The following PTPRS variants were observed in gnomAD, a reference collection of about 807,000 sequenced individuals.
The protein encoded by PTPRS is protein tyrosine phosphatase receptor type S.
A neutral mutation model predicts 215.3 loss-of-function variants in PTPRS; 63 were observed. The ratio of observed to expected loss-of-function variants is 0.29; its 90% confidence interval spans 0.24 to 0.36. The LOEUF (loss-of-function observed/expected upper bound fraction) is 0.36, where lower values mean the gene tolerates loss of function less well. PTPRS is among the 10% of genes least tolerant of loss of function. The pLI is 1.00. For missense variants in PTPRS, 2,258 were observed against 2,825.8 expected (o/e 0.80, Z 4.56); for synonymous variants, 1,404 against 1,191.4 (o/e 1.18, Z -3.68).
chr19:5,243,950 G>A lies in PTPRS; in HGVS notation c.1521C>T (p.Val507=), dbSNP rs568263495. 6.9e-6 allele frequency: 11 copies of A among 1,587,810 alleles called. 1 individual carries two copies. The East Asian group carries it at 9.0e-5, about 13-fold the overall frequency. The change falls in exon 11 of 38, where the codon GTC becomes GTT. Residue 507 remains valine (V), a synonymous_variant. Coordinates refer to ENST00000262963, the MANE Select transcript of PTPRS (RefSeq NM_002850.4). ...TGGGGTCCGAGAGGGGCCCGTCGCC[G>A]ACGGAGGTGAAGGCGAGCACCCGCA... ...YTVRVLAFTS[V]GDGPLSDPIQ...
chr19:5,240,231 G>T lies in PTPRS; in HGVS notation c.1672C>A (p.Leu558Ile), dbSNP rs764486191. Residue 558 changes from leucine (L) to isoleucine (I), a missense_variant, in exon 12 of 38, where the codon CTC becomes ATC. This residue lies in a region of PTPRS where 508 missense variants were observed against 799.4 expected (regional missense o/e 0.64). Transcript: ENST00000262963. ...PRQESIIKYE[L>I]LFREGDHGRE... is the part of the protein sequence containing the mutation. ...CCATGGTCGCCTTCCCGGAAGAGGA[G>T]CTCGTACTTGATGATACTCTCCTGC... 2 of 1,561,732 alleles carry T rather than the reference G, an allele frequency of 1.3e-6. No homozygotes were observed. The highest frequency in any genetic ancestry group is 1.7e-6 in the Non-Finnish European group (2 of 1,153,658).
intron 6 of PTPRS, among the ~76,000 whole-genome samples, chr19:5,262,269 T>C (rs1036430343): frequency 6.6e-6 from 1 of 151,746 alleles, no homozygotes; most frequent in Non-Finnish European, 1.5e-5. Context: ...ATTAAGACTG[T>C]CTCAAAAAAA....
Position 5,237,421 on chromosome 19 carries a change from T to C in PTPRS, c.1849+1498A>G, listed in dbSNP as rs540260869. The stretch of plus-strand genomic sequence containing the variant: ...TCCTGGGCCGCCCCGGAGGTTCGCG[T>C]GGCTGGGCCGAAGCCGCTTTCTAGG... On this transcript the variant is annotated intron_variant, in intron 13 of 37. Transcript: ENST00000262963. This position sits in a 1 kb window ranked among gnomAD's most constrained non-coding sequence, Gnocchi z 4.2. Among the ~76,000 whole-genome samples the C allele has an allele frequency of 1.5e-4, 23 of 152,334 alleles. No homozygotes were observed. The highest frequency in any genetic ancestry group is 5.5e-4 in the African/African-American group (23 of 41,584).
chr19:5,324,573 A>AT (rs1008721637), intron 1 of PTPRS, among the ~76,000 whole-genome samples: 22 of 152,308 alleles, frequency 1.4e-4, no homozygotes, highest in Middle Eastern at 3.4e-3. Context: ...GTAGTGACCC[A>AT]TGGGTTAAAG....
chr19:5,220,087 C>G lies in PTPRS; in HGVS notation c.3617G>C (p.Arg1206Pro), dbSNP rs142918634. The G allele has an allele frequency of 1.9e-6, 3 of 1,613,866 alleles. No individual in the cohort carries two copies. The highest frequency in any genetic ancestry group is 2.5e-6 in the Non-Finnish European group (3 of 1,180,008). ...LRHSRQLEVP[R>P]PYIAARFSVL... ...AGAGAAGCGAGCTGCAATATAGGGC[C>G]GGGGCACCTCCAGCTGACGCGAGTG... is the stretch of plus-strand genomic sequence containing the variant. Residue 1206 changes from arginine (R) to proline (P), a missense_variant, in exon 22 of 38, where the codon CGG becomes CCG. Around this residue, in one of 6 missense-constraint regions of PTPRS, gnomAD observed 927 missense variants for 1,125.9 expected, o/e 0.82. Transcript: ENST00000262963.
intron 16 of PTPRS, among the ~76,000 whole-genome samples, chr19:5,227,977 G>A (rs763821852): frequency 1.3e-5 from 2 of 152,038 alleles, no homozygotes; most frequent in Non-Finnish European, 2.9e-5. Flanking sequence ...GGAACTGTGG[G>A]GTAGACCCAG....
At chr19:5,250,539 C>A (rs2044910642) in intron 9 of PTPRS, among the ~76,000 whole-genome samples, 1 of 151,974 alleles carries the variant, frequency 6.6e-6, no homozygotes, top group South Asian at 2.1e-4. Context: ...GGGGACCACA[C>A]CAGCCTTGGT....
chr19:5,260,932 C>G, intron 6 of PTPRS, 110 bp from the exon 7 acceptor site: 2 of 1,307,482 alleles, frequency 1.5e-6, no homozygotes, highest in South Asian at 1.2e-5. Context: ...AGCACTCTGC[C>G]CCAGGGAGGG....
intron 1 of PTPRS, among the ~76,000 whole-genome samples, chr19:5,290,655 C>T (rs1314283701): frequency 1.3e-5 from 2 of 152,060 alleles, no homozygotes; most frequent in African/African-American, 4.8e-5. Flanking sequence ...GTCCATGCTG[C>T]CCTGTCCTGG....
rs1214909304 is a variant in PTPRS, at chr19:5,295,164, C to T, written c.-94-8930G>A. ...CCGTGTGTCAAGAAAGCACCCGTACCTCTCGGGCCGACAGTTTCCCCATCT... is the reference window on the plus strand; with the variant it reads ...CCGTGTGTCAAGAAAGCACCCGTACTTCTCGGGCCGACAGTTTCCCCATCT... On this transcript the variant is annotated intron_variant, in intron 1 of 37. Coordinates refer to ENST00000262963, the MANE Select transcript of PTPRS (RefSeq NM_002850.4). This position sits in a 1 kb window ranked among gnomAD's most constrained non-coding sequence, Gnocchi z 4.6. 2.6e-5 allele frequency among the ~76,000 whole-genome samples: 4 copies of T among 152,206 alleles called. No homozygotes were observed. The highest frequency in any genetic ancestry group is 6.5e-5 in the Admixed American group (1 of 15,284).
chr19:5,303,990 G>C (rs116269715), intron 1 of PTPRS, among the ~76,000 whole-genome samples: 2,254 of 122,268 alleles, frequency 0.018, 72 homozygotes, highest in African/African-American at 0.072. Context: ...GAAGCGCGGA[G>C]GGCTATGGCC....
At chr19:5,323,831 A>C (rs902180196) in intron 1 of PTPRS, among the ~76,000 whole-genome samples, 1 of 152,228 alleles carries the variant, frequency 6.6e-6, no homozygotes, top group African/African-American at 2.4e-5. Flanking sequence ...GTGGGAAGAC[A>C]GACTGTGGGA....
chr19:5,300,332 A>C (rs552360774), intron 1 of PTPRS, among the ~76,000 whole-genome samples: 43 of 90,062 alleles, frequency 4.8e-4, no homozygotes, highest in Admixed American at 8.0e-4. Flanking sequence ...AGTGTGGCTC[A>C]TGGTCAGAGT....
At chr19:5,329,407 C>T (rs1258005495) in intron 1 of PTPRS, among the ~76,000 whole-genome samples, 3 of 152,186 alleles carry the variant, frequency 2.0e-5, no homozygotes. Flanking sequence ...TACATCGTAG[C>T]TAACAATCCA....
intron 28 of PTPRS, 95 bp downstream of exon 28, chr19:5,215,194 A>G: frequency 6.5e-7 from 1 of 1,527,146 alleles, no homozygotes; most frequent in South Asian, 1.2e-5. Flanking sequence ...GTCTATGACC[A>G]GAATCAGGCC....
At chr19:5,263,811 T>C (rs1425333799) in intron 5 of PTPRS, among the ~76,000 whole-genome samples, 1 of 152,150 alleles carries the variant, frequency 6.6e-6, no homozygotes, top group Non-Finnish European at 1.5e-5. Context: ...GGTGCACGTG[T>C]GGCCGAGATG....
intron 1 of PTPRS, among the ~76,000 whole-genome samples, chr19:5,291,958 GTTCC>G (rs1206703368): frequency 6.6e-6 from 1 of 151,760 alleles, no homozygotes; most frequent in Admixed American, 6.6e-5. Context: ...TACACACACT[GTTCC>G]TTCCACCCAG....
chr19:5,324,501 C>T (rs2050118781), intron 1 of PTPRS, among the ~76,000 whole-genome samples: 1 of 152,120 alleles, frequency 6.6e-6, no homozygotes, highest in Admixed American at 6.5e-5. Flanking sequence ...CCCAGGCTGG[C>T]GGCAGCTGAT....
Position 5,229,546 on chromosome 19 carries a change from C to A in PTPRS, c.2294G>T (p.Gly765Val). The A allele has an allele frequency of 6.8e-7, 1 of 1,465,078 alleles. No homozygotes were observed. 90.8% of individuals were successfully genotyped at this position (1,465,078 alleles called of 1,614,324 possible). The change falls in exon 15 of 38, where the codon GGC becomes GTC. Residue 765 changes from glycine to valine, a missense_variant. Transcript: ENST00000262963. ...GCGCGGCGGCCCGCGGGCCTCGGCG[C>A]CCTCCATGCGCACGTAGTGGACCTG... ...GYQVHYVRMEGAEARGPPRIK... is the reference protein window; with the variant it reads ...GYQVHYVRMEVAEARGPPRIK...
Sources: gnomAD v4.1 joint callset for allele counts (sites outside exome capture counted in the v4.1 genomes callset) on GRCh38, gnomAD v4.1.1 for gene constraint, gnomAD v4.1.1 regional missense constraint, Gnocchi (gnomAD v3.1) non-coding constraint, MANE v1.5 for transcripts, NCBI Gene and HGNC (gene_info 2026-07-23, HGNC 2026-07-21) for gene names.